The following NPR3 variants were observed in gnomAD, a reference collection of about 807,000 sequenced individuals.
NPR3 encodes natriuretic peptide receptor 3.
NPR3 carries 34 observed loss-of-function variants against 54.5 expected under a neutral mutation model. The observed-to-expected ratio is 0.62, with a 90% CI of 0.47 to 0.83. The LOEUF (loss-of-function observed/expected upper bound fraction) is 0.83, where lower values mean the gene tolerates loss of function less well. Among genes scored for constraint, NPR3 ranks in the 40% least tolerant of loss-of-function variants. The pLI, the probability that NPR3 is intolerant of heterozygous loss-of-function variation, is 0.00. For missense variants in NPR3, 674 were observed against 720.8 expected, an observed-to-expected ratio of 0.94 and a Z score of 0.74; for synonymous variants, 289 against 297.1, an observed-to-expected ratio of 0.97 and a Z score of 0.28.
Position 32,746,320 on chromosome 5 carries a change from T to C in NPR3, c.1059+7290T>C, listed in dbSNP as rs150370744. 5.8e-3 allele frequency among the ~76,000 whole-genome samples: 890 copies of C among 152,328 alleles called. 5 individuals carry two copies. The highest frequency in any genetic ancestry group is 0.02 in the African/African-American group (849 of 41,562). On this transcript the variant is annotated intron_variant, in intron 3 of 7. Transcript: ENST00000265074. ...GTGTAAGTGCACGTGTGTATACTTT[T>C]GGAGAGAAGGGTCAGCATCCATCAT...
At chr5:32,758,384 T>G (rs971388626) in intron 3 of NPR3, among the ~76,000 whole-genome samples, 108 of 152,332 alleles carry the variant, frequency 7.1e-4, no homozygotes, top group South Asian at 1.4e-3. Flanking sequence ...TCTAGTTTAT[T>G]TGCATAGAGG....
rs546687495 is a variant in NPR3 at position 32,785,000 on chromosome 5, T to C, written c.1514+117T>C. On this transcript the variant is annotated intron_variant, in intron 7 of 7. Coordinates refer to ENST00000265074, the MANE Select transcript of NPR3 (RefSeq NM_001204375.2). ...CTCTTTCACCCAGGAAGCACGGTGG[T>C]TAAAAAATCTCAGCCATTCTTTTGG... 9.5e-5 allele frequency: 80 copies of C among 839,964 alleles called. No homozygotes were observed. In the South Asian group the frequency reaches 1.2e-3, roughly 13 times the overall value. 52.0% of individuals were successfully genotyped at this position (839,964 alleles called of 1,614,324 possible). A position where few individuals can be genotyped will look rare whatever the true frequency, so the allele number is the denominator to read the frequency against.
intron 4 of NPR3, among the ~76,000 whole-genome samples, chr5:32,776,449 G>T (rs1327789640): frequency 6.6e-6 from 1 of 152,070 alleles, no homozygotes; most frequent in East Asian, 1.9e-4. Flanking sequence ...GGGATTTCTG[G>T]GTCCAAAAGT....
In NPR3 at chr5:32,711,612, CCTCT is replaced by C; in HGVS notation, c.-162_-159del. On this transcript the variant is annotated 5_prime_UTR_variant, in exon 1 of 8. Transcript: ENST00000265074. ...AGTGACATTGCAGAGAAGGACGCTT[CCTCT>C]CTATCTTTTGGCGCATTAGTGAAGG... 1 of 1,247,908 alleles carries C rather than the reference CCTCT, an allele frequency of 8.0e-7. No homozygotes were observed. The highest frequency in any genetic ancestry group is 1.0e-6 in the Non-Finnish European group (1 of 999,890). 77.3% of individuals were successfully genotyped at this position (1,247,908 alleles called of 1,614,324 possible). A position where few individuals can be genotyped will look rare whatever the true frequency, so the allele number is the denominator to read the frequency against.
At chr5:32,759,188 A>G (rs1741013817) in intron 3 of NPR3, among the ~76,000 whole-genome samples, 1 of 152,200 alleles carries the variant, frequency 6.6e-6, no homozygotes, top group East Asian at 1.9e-4. Flanking sequence ...TGATCTGTCT[A>G]ATGTTGACAG....
intron 3 of NPR3, among the ~76,000 whole-genome samples, chr5:32,763,952 A>T (rs1741308374): frequency 6.6e-6 from 1 of 152,114 alleles, no homozygotes; most frequent in South Asian, 2.1e-4. Flanking sequence ...TTTTGCTTTT[A>T]GTCTTAGAAT....
intron 1 of NPR3, among the ~76,000 whole-genome samples, chr5:32,702,365 C>T (rs1304330928): frequency 1.3e-5 from 2 of 151,272 alleles, no homozygotes; most frequent in East Asian, 1.9e-4. Flanking sequence ...CCCAATAACT[C>T]GTCATTTAGC....
chr5:32,702,217 C>T lies in NPR3; in HGVS notation c.100+13031C>T, dbSNP rs113832755. Among the ~76,000 whole-genome samples the T allele has an allele frequency of 5.3e-3, 812 of 152,252 alleles. 8 individuals carry two copies. The highest frequency in any genetic ancestry group is 0.019 in the African/African-American group (779 of 41,536). On this transcript the variant is annotated intron_variant, in intron 1 of 5. Transcript: ENST00000509104. The stretch of plus-strand genomic sequence containing the variant: ...ATCTACCTGGCGCACTAGTCTACTG[C>T]GGCTGAGCTGGTACCCAAGCCACAT...
At chr5:32,782,510 C>T (rs1210754942) in intron 5 of NPR3, among the ~76,000 whole-genome samples, 1 of 152,132 alleles carries the variant, frequency 6.6e-6, no homozygotes, top group African/African-American at 2.4e-5. Context: ...ACTGAAGAAT[C>T]CTAGGGGCAG....
chr5:32,701,558 T>C (rs1193981038), intron 1 of NPR3, among the ~76,000 whole-genome samples: 1 of 152,240 alleles, frequency 6.6e-6, no homozygotes, highest in Non-Finnish European at 1.5e-5. Flanking sequence ...CTAGATGATC[T>C]TGATGCTTGT....
chr5:32,736,821 C>A (rs113820730), intron 2 of NPR3, among the ~76,000 whole-genome samples: 1 of 152,094 alleles, frequency 6.6e-6, no homozygotes. Flanking sequence ...AAGTTTTGCT[C>A]GGTGGCCTGA....
chr5:32,789,567 C>G lies in NPR3; in HGVS notation c.*3222C>G, dbSNP rs772517658. ...GCATGGGAAAAGAACACCTCCTTTTCTCCTTTCTCTTAAATTCAAAGACGT... is the reference window on the plus strand; with the variant it reads ...GCATGGGAAAAGAACACCTCCTTTTGTCCTTTCTCTTAAATTCAAAGACGT... On this transcript the variant is annotated 3_prime_UTR_variant, in exon 8 of 8. Coordinates refer to ENST00000265074, the MANE Select transcript of NPR3 (RefSeq NM_001204375.2). 7.5e-6 allele frequency: 4 copies of G among 534,734 alleles called. No homozygotes were observed. The Admixed American group carries it at 7.8e-5, about 10-fold the overall frequency. The allele number at this position is 534,734 out of a possible 1,614,324, so 33.1% of individuals were successfully genotyped here.
intron 7 of NPR3, among the ~76,000 whole-genome samples, chr5:32,785,216 G>A (rs1236010237): frequency 7.2e-6 from 1 of 139,018 alleles, no homozygotes; most frequent in Non-Finnish European, 1.5e-5. Flanking sequence ...GCAGTGGCAC[G>A]ATCTCTGTTC....
chr5:32,754,223 G>A (rs1740718050), intron 3 of NPR3, among the ~76,000 whole-genome samples: 1 of 152,192 alleles, frequency 6.6e-6, no homozygotes, highest in African/African-American at 2.4e-5. Flanking sequence ...AATATTAATT[G>A]ATGGGTATTA....
Position 32,723,210 on chromosome 5 carries a change from T to C in NPR3, c.770-1488T>C, listed in dbSNP as rs868829963. Among the ~76,000 whole-genome samples the C allele has an allele frequency of 3.3e-5, 5 of 152,196 alleles. No homozygotes were observed. The South Asian group carries it at 8.3e-4, about 25-fold the overall frequency. On this transcript the variant is annotated intron_variant, in intron 1 of 7. Coordinates refer to ENST00000265074, the MANE Select transcript of NPR3 (RefSeq NM_001204375.2). ...TATAGCACCCAGGTCTCTCCAGGTC[T>C]CTCTGCACAGTATGTGTGCAGCAAA...
chr5:32,726,284 T>C (rs1739133084), intron 2 of NPR3, among the ~76,000 whole-genome samples: 2 of 152,178 alleles, frequency 1.3e-5, no homozygotes, highest in African/African-American at 4.8e-5. Context: ...ATTGTGCATA[T>C]ACAGATAATA....
At chr5:32,710,340 C>T, upstream of NPR3, 1 of 167,144 alleles carries the variant, frequency 6.0e-6, no homozygotes, top group Non-Finnish European at 1.3e-5. Flanking sequence ...CCCGGGGGAC[C>T]TACCGGGAAC....
Position 32,789,528 on chromosome 5 carries a change from G to A in NPR3, c.*3183G>A. ...CATTTCAGAACCCATGTTTAATGGA[G>A]GGAAGAGAGAAATGCATGGGAAAAG... On this transcript the variant is annotated 3_prime_UTR_variant, in exon 8 of 8. Coordinates refer to ENST00000265074, the MANE Select transcript of NPR3 (RefSeq NM_001204375.2). 1.9e-6 allele frequency: 1 copy of A among 534,722 alleles called. No homozygotes were observed. Among genetic ancestry groups the A allele is most frequent in the South Asian group, 1.4e-5 (1 of 71,586 alleles). The allele number at this position is 534,722 out of a possible 1,614,324, so 33.1% of individuals were successfully genotyped here. A position where few individuals can be genotyped will look rare whatever the true frequency, so the allele number is the denominator to read the frequency against.
At chr5:32,754,922 G>A (rs1368663049) in intron 3 of NPR3, among the ~76,000 whole-genome samples, 3 of 152,188 alleles carry the variant, frequency 2.0e-5, no homozygotes, top group African/African-American at 4.8e-5. Context: ...GGGCAGTGGC[G>A]TGATCTCCGC....
Sources: gnomAD v4.1 joint callset for allele counts (sites outside exome capture counted in the v4.1 genomes callset) on GRCh38, gnomAD v4.1.1 for gene constraint, MANE v1.5 for transcripts, NCBI Gene and HGNC (gene_info 2026-07-23, HGNC 2026-07-21) for gene names.